DLGAP2: variants seen among roughly 807,000 people sequenced by gnomAD.
DLGAP2 encodes disks large-associated protein 2.
In DLGAP2, 26 loss-of-function variants were observed where a neutral mutation model predicts 100.3. The ratio of observed to expected loss-of-function variants is 0.26; its 90% confidence interval spans 0.19 to 0.36. DLGAP2 has a LOEUF of 0.36. Among genes scored for constraint, DLGAP2 ranks in the 10% least tolerant of loss-of-function variants. The pLI, the probability that DLGAP2 is intolerant of heterozygous loss-of-function variation, is 1.00. For synonymous variants in DLGAP2, 886 were observed against 630.1 expected (o/e 1.41, Z -6.08); for missense variants, 1,858 against 1,453.2 (o/e 1.28, Z -4.53).
At chr8:1,291,558 A>C (rs1800060649) in intron 3 of DLGAP2, among the ~76,000 whole-genome samples, 1 of 152,204 alleles carries the variant, frequency 6.6e-6, no homozygotes, top group African/African-American at 2.4e-5. Context: ...AAGCCCTGCC[A>C]TTCCTAATCC....
At chr8:981,222 C>G (rs1042664228) in intron 2 of DLGAP2, among the ~76,000 whole-genome samples, 3 of 152,150 alleles carry the variant, frequency 2.0e-5, no homozygotes, top group African/African-American at 7.2e-5. Flanking sequence ...GTTTCCAAGG[C>G]TCATCTGGGT....
chr8:879,642 C>G (rs556141716), intron 1 of DLGAP2, among the ~76,000 whole-genome samples: 1 of 152,304 alleles, frequency 6.6e-6, no homozygotes, highest in Non-Finnish European at 1.5e-5. Context: ...GTTACTTGTG[C>G]TACAACCTCC....
At chr8:1,507,807 T>TCCATCCACCACCCTCCCC (rs1799985158) in intron 4 of DLGAP2, among the ~76,000 whole-genome samples, 5 of 48,432 alleles carry the variant, frequency 1.0e-4, no homozygotes, top group African/African-American at 2.9e-4. Flanking sequence ...CCACCCTCCC[T>TCCATCCACCACCCTCCCC]CCACCCACCA....
At chr8:1,438,233 C>G (rs1379729756) in intron 3 of DLGAP2, among the ~76,000 whole-genome samples, 1 of 152,122 alleles carries the variant, frequency 6.6e-6, no homozygotes, top group Non-Finnish European at 1.5e-5. Context: ...GAGTGTGTCT[C>G]AGACTTTGAA....
chr8:1,424,480 T>C (rs1797185005), intron 3 of DLGAP2, among the ~76,000 whole-genome samples: 1 of 152,250 alleles, frequency 6.6e-6, no homozygotes, highest in African/African-American at 2.4e-5. Flanking sequence ...AATGGAATGT[T>C]ACCCTGTCAT....
intron 1 of DLGAP2, among the ~76,000 whole-genome samples, chr8:856,188 T>TTCTTC (rs1218302818): frequency 2.2e-4 from 10 of 44,728 alleles, no homozygotes; most frequent in East Asian, 2.6e-3. Flanking sequence ...TCTTCTTCTT[T>TTCTTC]TTTTTTTTTT....
intron 1 of DLGAP2, among the ~76,000 whole-genome samples, chr8:892,263 G>A (rs752019293): frequency 6.6e-6 from 1 of 152,178 alleles, no homozygotes; most frequent in Non-Finnish European, 1.5e-5. Context: ...GGCTCATAGC[G>A]GCTTGTGCAC....
At chr8:1,291,104 A>G (rs10089701) in intron 3 of DLGAP2, among the ~76,000 whole-genome samples, 30,635 of 152,102 alleles carry the variant, frequency 0.2, 3,481 homozygotes, top group Non-Finnish European at 0.23. Context: ...AAATAATAAC[A>G]TCATGAAGAA....
intron 7 of DLGAP2, among the ~76,000 whole-genome samples, chr8:1,630,079 G>C (rs938544098): frequency 6.6e-6 from 1 of 152,114 alleles, no homozygotes; most frequent in African/African-American, 2.4e-5. Context: ...AGAATTCTAA[G>C]TCATTCCTAT....
chr8:1,289,705 C>T (rs10098870), intron 3 of DLGAP2, among the ~76,000 whole-genome samples: 4 of 151,950 alleles, frequency 2.6e-5, no homozygotes, highest in Non-Finnish European at 4.4e-5. Context: ...GAAGTACCCC[C>T]CCGAGGCTAA....
At chr8:1,265,243 A>C (rs1799428426) in intron 3 of DLGAP2, among the ~76,000 whole-genome samples, 1 of 152,218 alleles carries the variant, frequency 6.6e-6, no homozygotes, top group East Asian at 1.9e-4. Flanking sequence ...TAATGTAAGA[A>C]GTATCTATTA....
intron 6 of DLGAP2, among the ~76,000 whole-genome samples, chr8:1,588,311 C>A (rs1796187456): frequency 2.0e-5 from 3 of 151,734 alleles, no homozygotes; most frequent in African/African-American, 7.3e-5. Context: ...GAGAACAGAG[C>A]AAAAAAGAGT....
chr8:1,229,824 T>C (rs771802433), intron 2 of DLGAP2, among the ~76,000 whole-genome samples: 1 of 152,142 alleles, frequency 6.6e-6, no homozygotes, highest in Non-Finnish European at 1.5e-5. Flanking sequence ...CAACACCCTT[T>C]CATGATAAAA....
chr8:1,614,822 C>CCA (rs959761734), intron 6 of DLGAP2, among the ~76,000 whole-genome samples: 13 of 151,504 alleles, frequency 8.6e-5, no homozygotes, highest in African/African-American at 2.9e-4. Context: ...ACTGTGGAGC[C>CCA]CACACACACA....
chr8:1,676,923 C>T (rs568798086), intron 11 of DLGAP2, among the ~76,000 whole-genome samples: 4 of 152,286 alleles, frequency 2.6e-5, no homozygotes, highest in South Asian at 4.1e-4. Flanking sequence ...CTGAGGGTGA[C>T]GCCAATGCAG....
At chr8:1,634,117 C>T (rs986051210) in intron 8 of DLGAP2, among the ~76,000 whole-genome samples, 3 of 152,182 alleles carry the variant, frequency 2.0e-5, no homozygotes, top group Admixed American at 6.5e-5. Flanking sequence ...GTGTTCAAAC[C>T]GTGTTCCATC....
At chr8:1,364,608 G>A (rs891492976) in intron 3 of DLGAP2, among the ~76,000 whole-genome samples, 4 of 152,188 alleles carry the variant, frequency 2.6e-5, no homozygotes, top group Non-Finnish European at 4.4e-5. Flanking sequence ...CCGGCGTGCC[G>A]CCTCTTCAGT....
chr8:796,743 T>G (rs1796044126), intron 1 of DLGAP2, among the ~76,000 whole-genome samples: 1 of 152,182 alleles, frequency 6.6e-6, no homozygotes, highest in Non-Finnish European at 1.5e-5. Context: ...GTATGACGCC[T>G]TCATGGCCCC....
At chr8:1,626,972 G>A in intron 7 of DLGAP2, 85 bp downstream of exon 7, 2 of 1,478,350 alleles carry the variant, frequency 1.4e-6, no homozygotes, top group Non-Finnish European at 1.8e-6. Flanking sequence ...AGGTGGCGAT[G>A]GCGCTGCCCT....
Sources: allele counts gnomAD v4.1 joint callset (sites outside exome capture counted in the v4.1 genomes callset), GRCh38; gene constraint gnomAD v4.1.1; transcripts MANE v1.5; gene names NCBI Gene and HGNC (gene_info 2026-07-23, HGNC 2026-07-21).